Variants in ADGRB2 observed in about 807,000 individuals in gnomAD.
The protein encoded by ADGRB2 is adhesion G protein-coupled receptor B2.
ADGRB2 carries 47 observed loss-of-function variants against 178.7 expected under a neutral mutation model. The observed-to-expected ratio is 0.26, with a 90% confidence interval of 0.21 to 0.34. ADGRB2 has a LOEUF of 0.34. Ranked by LOEUF, ADGRB2 falls within the 10% of genes least tolerant of loss-of-function variation. The pLI, the probability that ADGRB2 is intolerant of heterozygous loss-of-function variation, is 1.00. For synonymous variants in ADGRB2, 870 were observed against 912.4 expected (o/e 0.95, Z 0.84); for missense variants, 1,584 against 2,180.8 (o/e 0.73, Z 5.45).
In ADGRB2 at chr1:31,740,886, G is replaced by GGCGC. The variant is rs199971730; in HGVS notation, c.1795-349_1795-346dup. ...CTGGAGTGTAATGAGCATGTGTGTG[G>GGCGC]GCGCGCGCGCACACACACACACACA... On this transcript the variant is annotated intron_variant, in intron 11 of 32. Transcript: ENST00000373658. The surrounding 1 kb of genome is among the most constrained non-coding windows in gnomAD (Gnocchi z 5.9). 1.6e-4 allele frequency among the ~76,000 whole-genome samples: 17 copies of GGCGC among 104,704 alleles called. No individual in the cohort carries two copies. Among genetic ancestry groups the GGCGC allele is most frequent in the South Asian group, 6.4e-4 (1 of 1,562 alleles). 68.7% of individuals were successfully genotyped at this position (104,704 alleles called of 152,430 possible).
intron 4 of ADGRB2, among the ~76,000 whole-genome samples, chr1:31,748,379 C>CAG (rs1413568762): frequency 6.6e-6 from 1 of 152,236 alleles, no homozygotes; most frequent in Non-Finnish European, 1.5e-5. Flanking sequence ...CCATCCCACT[C>CAG]AGAGGAGAGG....
At chr1:31,731,446 G>C (rs1557735143) in intron 28 of ADGRB2, 27 bp from the exon 29 acceptor site, 12 of 1,557,504 alleles carry the variant, frequency 7.7e-6, no homozygotes, top group Non-Finnish European at 1.0e-5. Flanking sequence ...GAGGGAGGGG[G>C]TGAGTCCTGA....
Position 31,735,058 on chromosome 1 carries a change from C to T in ADGRB2, c.3452+125G>A, listed in dbSNP as rs927663437. On this transcript the variant is annotated intron_variant, in intron 25 of 32. Coordinates refer to ENST00000373658, the MANE Select transcript of ADGRB2 (RefSeq NM_001364857.2). The surrounding 1 kb of genome is among the most constrained non-coding windows in gnomAD (Gnocchi z 6.0). The stretch of plus-strand genomic sequence containing the variant: ...GCCCTTGAGAGTGTGTGGTGGCTGG[C>T]AGGAAAGGGCAAGCTTTCCAGGGCA... The T allele has an allele frequency of 3.1e-6, 3 of 969,788 alleles. No homozygotes were observed. The highest frequency in any genetic ancestry group is 4.3e-6 in the Non-Finnish European group (3 of 705,450). 60.1% of individuals were successfully genotyped at this position (969,788 alleles called of 1,614,324 possible).
At position 31,736,703 on chromosome 1, in the gene ADGRB2, A is replaced by C. The variant is rs2148922907; in HGVS notation, c.3000T>G (p.Ala1000=). The change falls in exon 21 of 33, where the codon GCT becomes GCG. Residue 1000 remains alanine (A), a synonymous_variant. Transcript: ENST00000373658. ...AGAGAAAGAAGAAGTGCAGGAAGGC[A>C]GCCGTCATGGTGCACACGCCCTGCA... ...VLSKGVCTMT[A]AFLHFFFLSS... 1 of 1,613,964 alleles carries C rather than the reference A, an allele frequency of 6.2e-7. No homozygotes were observed. Among genetic ancestry groups the C allele is most frequent in the Non-Finnish European group, 8.5e-7 (1 of 1,179,890 alleles).
Position 31,753,665 on chromosome 1 carries a change from C to G in ADGRB2, c.838+2334G>C, listed in dbSNP as rs1311838284. ...CTCCTGCAGCCCAGTGGGGAGGAGA[C>G]AAGGGGAGGAATGGAGGGGGCCAAA... On this transcript the variant is annotated intron_variant, in intron 4 of 32. Transcript: ENST00000373658. This position sits in a 1 kb window ranked among gnomAD's most constrained non-coding sequence, Gnocchi z 4.1. 6.6e-6 allele frequency among the ~76,000 whole-genome samples: 1 copy of G among 152,210 alleles called. No homozygotes were observed. Among genetic ancestry groups the G allele is most frequent in the Non-Finnish European group, 1.5e-5 (1 of 68,036 alleles).
At position 31,731,421 on chromosome 1, in the gene ADGRB2, T is replaced by C. The variant is rs775984857; in HGVS notation, c.3761-2A>G. ...AAGTGTTGACCTCCTTGAACAGCAC[T>C]GGGGGCAGGAGTGGGAGGGAGGGGG... On this transcript the variant is annotated splice_acceptor_variant, in intron 28 of 32. Coordinates refer to ENST00000373658, the MANE Select transcript of ADGRB2 (RefSeq NM_001364857.2). LOFTEE classifies it high-confidence loss of function. 1 of 1,583,348 alleles carries C rather than the reference T, an allele frequency of 6.3e-7. No homozygotes were observed. The highest frequency in any genetic ancestry group is 8.6e-7 in the Non-Finnish European group (1 of 1,162,502).
At position 31,749,259 on chromosome 1, in the gene ADGRB2, C is replaced by T. The variant is rs576787351; in HGVS notation, c.839-4528G>A. Reference sequence around the variant, plus strand: ...CAGCCCCAACCACACCACTCCCCAGCTGAGGAAGTCTTCAGCGGCTCCTCC... The same window carrying T: ...CAGCCCCAACCACACCACTCCCCAGTTGAGGAAGTCTTCAGCGGCTCCTCC... On this transcript the variant is annotated intron_variant, in intron 4 of 32. Coordinates refer to ENST00000373658, the MANE Select transcript of ADGRB2 (RefSeq NM_001364857.2). 2.6e-5 allele frequency among the ~76,000 whole-genome samples: 4 copies of T among 152,342 alleles called. No individual in the cohort carries two copies. In the South Asian group the frequency reaches 6.2e-4, roughly 24 times the overall value.
In ADGRB2 at chr1:31,761,323, G is replaced by GC. The variant is rs1255789156; in HGVS notation, c.-191+2560dup. Among the ~76,000 whole-genome samples, 4 of 152,180 alleles carry GC rather than the reference G, an allele frequency of 2.6e-5. No individual in the cohort carries two copies. Among genetic ancestry groups the GC allele is most frequent in the Non-Finnish European group, 5.9e-5 (4 of 68,024 alleles). ...AGCCAGGTTTCTTCAAACTCCTCAG[G>GC]CCCTCAGGCCCGGTGGCCCTGCTAA... On this transcript the variant is annotated intron_variant, in intron 1 of 32. Transcript: ENST00000373658. This position sits in a 1 kb window ranked among gnomAD's most constrained non-coding sequence, Gnocchi z 4.2.
chr1:31,760,438 C>G (rs1157264894), intron 1 of ADGRB2, among the ~76,000 whole-genome samples: 1 of 152,198 alleles, frequency 6.6e-6, no homozygotes, highest in Non-Finnish European at 1.5e-5. Flanking sequence ...CCCAGCTTCC[C>G]TTCTGCACCA....
intron 22 of ADGRB2, 21 bp downstream of exon 22, chr1:31,736,300 C>T: frequency 6.2e-7 from 1 of 1,613,218 alleles, no homozygotes; most frequent in Non-Finnish European, 8.5e-7. Context: ...CGCTACCACC[C>T]ACCACGGGAG....
chr1:31,739,849 G>A (rs1645837729), intron 14 of ADGRB2, 77 bp downstream of exon 14: 2 of 1,381,212 alleles, frequency 1.4e-6, no homozygotes, highest in Non-Finnish European at 2.0e-6. Flanking sequence ...TACAAATACG[G>A]GGTTAGGTAG....
At position 31,728,089 on chromosome 1, in the gene ADGRB2, G is replaced by A. The variant is rs375447845; in HGVS notation, c.4516-8C>T. The A allele has an allele frequency of 6.8e-5, 110 of 1,609,030 alleles. No homozygotes were observed. The highest frequency in any genetic ancestry group is 1.5e-4 in the Admixed American group (9 of 59,564). The stretch of plus-strand genomic sequence containing the variant: ...ACTCCACCGCTTCTCCCTCTGCAAC[G>A]GGGGCCACCGGTCAGGCTCCAACCC... On this transcript the variant is annotated splice_polypyrimidine_tract_variant and splice_region_variant and intron_variant, in intron 31 of 32. Coordinates refer to ENST00000373658, the MANE Select transcript of ADGRB2 (RefSeq NM_001364857.2). The surrounding 1 kb of genome is among the most constrained non-coding windows in gnomAD (Gnocchi z 6.7).
At position 31,731,829 on chromosome 1, in the gene ADGRB2, C is replaced by T. The variant is rs75714846; in HGVS notation, c.3760+286G>A. On this transcript the variant is annotated intron_variant, in intron 28 of 32. Coordinates refer to ENST00000373658, the MANE Select transcript of ADGRB2 (RefSeq NM_001364857.2). ...TCTGTGCCATGGGTCCTGCTAAGAA[C>T]TCGATGTCCCCGAATTCATGCATGC... is the stretch of plus-strand genomic sequence containing the variant. Among the ~76,000 whole-genome samples the T allele has an allele frequency of 4.3e-3, 659 of 152,290 alleles. 6 individuals are homozygous for T. The highest frequency in any genetic ancestry group is 0.014 in the African/African-American group (590 of 41,554).
Position 31,758,106 on chromosome 1 carries a change from GC to G in ADGRB2, c.-190-596del, listed in dbSNP as rs1242191171. Among the ~76,000 whole-genome samples the G allele has an allele frequency of 6.6e-6, 1 of 152,142 alleles. No individual in the cohort carries two copies. The highest frequency in any genetic ancestry group is 6.5e-5 in the Admixed American group (1 of 15,272). On this transcript the variant is annotated intron_variant, in intron 1 of 32. Transcript: ENST00000373658. The surrounding 1 kb of genome is among the most constrained non-coding windows in gnomAD (Gnocchi z 4.2). ...GGAACCTAGCGCGTGGTCTGAATCA[GC>G]CCCACTTCCAATCCTACCCCCCAAG...
At chr1:31,763,816 G>T (rs1433947003) in intron 1 of ADGRB2, 68 bp downstream of exon 1, 19 of 984,906 alleles carry the variant, frequency 1.9e-5, no homozygotes, top group Non-Finnish European at 2.3e-5. Context: ...GGGCCGGTGC[G>T]GAAACTCGGG....
Position 31,731,107 on chromosome 1 carries a change from G to A in ADGRB2, c.4073C>T (p.Thr1358Ile). The A allele has an allele frequency of 6.3e-7, 1 of 1,579,794 alleles. No individual in the cohort carries two copies. Among genetic ancestry groups the A allele is most frequent in the Non-Finnish European group, 8.6e-7 (1 of 1,163,296 alleles). Residue 1358 changes from threonine to isoleucine, a missense_variant, in exon 29 of 33, where the codon ACT (threonine) becomes ATT (isoleucine). Transcript: ENST00000373658. ...EGDYMVLPRR[T>I]LSLQPGGGGG... ...CCCACCGCCAGGCTGCAGGCTCAAA[G>A]TCCGCCGGGGCAGCACCATGTAGTC... is the stretch of plus-strand genomic sequence containing the variant.
chr1:31,732,808 AGT>A (rs1209209433), intron 26 of ADGRB2, among the ~76,000 whole-genome samples, 162 bp downstream of exon 26: 1 of 152,272 alleles, frequency 6.6e-6, no homozygotes, highest in Non-Finnish European at 1.5e-5. Context: ...CATAAGGGAC[AGT>A]TGCGGGTACC....
Position 31,735,055 on chromosome 1 carries a change from TG to T in ADGRB2, c.3452+127del. On this transcript the variant is annotated intron_variant, in intron 25 of 32. Transcript: ENST00000373658. This position sits in a 1 kb window ranked among gnomAD's most constrained non-coding sequence, Gnocchi z 6.0. ...CGAGCCCTTGAGAGTGTGTGGTGGC[TG>T]GCAGGAAAGGGCAAGCTTTCCAGGG... The T allele has an allele frequency of 1.1e-6, 1 of 943,710 alleles. No homozygotes were observed. Among genetic ancestry groups the T allele is most frequent in the Non-Finnish European group, 1.5e-6 (1 of 680,168 alleles). The allele number at this position is 943,710 out of a possible 1,614,324, so 58.5% of individuals were successfully genotyped here.
At chr1:31,763,175 G>A (rs1300827744) in intron 1 of ADGRB2, among the ~76,000 whole-genome samples, 1 of 151,986 alleles carries the variant, frequency 6.6e-6, no homozygotes, top group Non-Finnish European at 1.5e-5. Context: ...GTCCAGTCGG[G>A]ATCTCAGCTG....
Sources: gnomAD v4.1 joint callset for allele counts (sites outside exome capture counted in the v4.1 genomes callset) on GRCh38, gnomAD v4.1.1 for gene constraint, Gnocchi (gnomAD v3.1) non-coding constraint, MANE v1.5 for transcripts, NCBI Gene and HGNC (gene_info 2026-07-23, HGNC 2026-07-21) for gene names.